Variants in UTRN observed in about 807,000 individuals in gnomAD.
The protein encoded by UTRN is dystrophin-related protein 1.
A neutral mutation model predicts 463.9 loss-of-function variants in UTRN; 283 were observed. That is an observed-to-expected ratio of 0.61 (90% confidence interval 0.55 to 0.67). The LOEUF (loss-of-function observed/expected upper bound fraction) is 0.67. UTRN is among the 30% of genes least tolerant of loss of function. UTRN has a pLI of 0.00. For synonymous variants in UTRN, 1,442 were observed against 1,431.5 expected (o/e 1.01, Z -0.17); for missense variants, 3,922 against 4,084.3 (o/e 0.96, Z 1.08).
At chr6:144,429,792 C>T in intron 9 of UTRN, 51 bp downstream of exon 9, 1 of 1,577,098 alleles carries the variant, frequency 6.3e-7, no homozygotes, top group Middle Eastern at 1.7e-4. Context: ...TTGTTTTCTC[C>T]TAGGTACTAG....
At chr6:144,440,597 T>C in intron 13 of UTRN, 126 bp downstream of exon 13, 3 of 1,279,676 alleles carry the variant, frequency 2.3e-6, no homozygotes, top group Non-Finnish European at 3.3e-6. Context: ...CTACCTTTGA[T>C]TGTACTTCTC....
chr6:144,541,502 A>G (rs1253175386), intron 45 of UTRN, among the ~76,000 whole-genome samples: 1 of 152,242 alleles, frequency 6.6e-6, no homozygotes, highest in African/African-American at 2.4e-5. Flanking sequence ...TGAATTATGA[A>G]TGTCTAAGAC....
chr6:144,733,525 A>C (rs1335927369), intron 54 of UTRN, among the ~76,000 whole-genome samples: 2 of 151,088 alleles, frequency 1.3e-5, no homozygotes, highest in Non-Finnish European at 2.9e-5. Context: ...AAAAAAAAAA[A>C]AACTTTGTAA....
chr6:144,835,654 A>G, intron 69 of UTRN, 126 bp from the exon 70 acceptor site: 2 of 1,221,010 alleles, frequency 1.6e-6, no homozygotes, highest in South Asian at 2.9e-5. Flanking sequence ...GGTCATGGAG[A>G]CACTGAGCTC....
intron 53 of UTRN, 105 bp downstream of exon 53, chr6:144,700,348 A>AT (rs200508051): frequency 0.012 from 15,079 of 1,261,602 alleles, 369 homozygotes; most frequent in African/African-American, 0.12. Context: ...TTATCACAGG[A>AT]TTCCCCCCCC....
intron 34 of UTRN, among the ~76,000 whole-genome samples, chr6:144,502,216 A>G (rs1210757151): frequency 2.6e-5 from 4 of 151,640 alleles, no homozygotes; most frequent in Non-Finnish European, 5.9e-5. Context: ...CCTCAACTCC[A>G]GGTTCATTTA....
intron 51 of UTRN, among the ~76,000 whole-genome samples, chr6:144,676,026 A>G (rs73778380): frequency 0.039 from 5,860 of 152,112 alleles, 386 homozygotes; most frequent in African/African-American, 0.13. Context: ...CTGCCCCCAA[A>G]TGTATTTTAT....
In UTRN at chr6:144,286,487, G is replaced by A. The variant is rs969066708; in HGVS notation, c.-93+666G>A. Among the ~76,000 whole-genome samples, 1 of 152,180 alleles carries A rather than the reference G, an allele frequency of 6.6e-6. No individual in the cohort carries two copies. Among genetic ancestry groups the A allele is most frequent in the African/African-American group, 2.4e-5 (1 of 41,432 alleles). On this transcript the variant is annotated intron_variant, in intron 1 of 74. Coordinates refer to ENST00000367545, the MANE Select transcript of UTRN (RefSeq NM_007124.3). The surrounding 1 kb of genome is among the most constrained non-coding windows in gnomAD (Gnocchi z 4.4). The stretch of plus-strand genomic sequence containing the variant: ...GGAGAGACTGAGGGGACAGGAGGAG[G>A]GGGGCGCCCCATTGGTGTGTAGTCC...
intron 2 of UTRN, among the ~76,000 whole-genome samples, chr6:144,361,775 T>TTC (rs1779101967): frequency 6.8e-6 from 1 of 147,474 alleles, no homozygotes; most frequent in African/African-American, 2.5e-5. Flanking sequence ...TTTCTTTCTT[T>TTC]TTTTTTTTTT....
intron 63 of UTRN, among the ~76,000 whole-genome samples, chr6:144,797,258 G>A (rs146245573): frequency 0.12 from 17,434 of 150,604 alleles, 2,964 homozygotes; most frequent in African/African-American, 0.38. Context: ...GCGTGATCTC[G>A]GCTCACTGCA....
intron 50 of UTRN, among the ~76,000 whole-genome samples, chr6:144,569,646 T>A (rs1279645816): frequency 6.6e-6 from 1 of 152,186 alleles, no homozygotes; most frequent in African/African-American, 2.4e-5. Flanking sequence ...GTCCTGGTCC[T>A]ATTGGGTGCA....
intron 50 of UTRN, among the ~76,000 whole-genome samples, chr6:144,575,219 T>A (rs930449351): frequency 2.6e-5 from 4 of 152,286 alleles, no homozygotes; most frequent in African/African-American, 9.6e-5. Flanking sequence ...GCCCATTTTT[T>A]AAAATGATAT....
At position 144,665,774 on chromosome 6, in the gene UTRN, G is replaced by C. The variant is rs186187451; in HGVS notation, c.7480-12632G>C. Among the ~76,000 whole-genome samples the C allele has an allele frequency of 5.1e-4, 77 of 152,256 alleles. 1 individual carries two copies. In the East Asian group the frequency reaches 0.014, roughly 28 times the overall value. On this transcript the variant is annotated intron_variant, in intron 51 of 74. Transcript: ENST00000367545. ...TATGCTTTTGATGGTGTTTTATTTAGAGAAAAGTGTGTAGTCCTATTTTTC... is the reference window on the plus strand; with the variant it reads ...TATGCTTTTGATGGTGTTTTATTTACAGAAAAGTGTGTAGTCCTATTTTTC...
chr6:144,446,044 T>C (rs1787663638), intron 14 of UTRN, among the ~76,000 whole-genome samples: 2 of 151,962 alleles, frequency 1.3e-5, no homozygotes, highest in East Asian at 1.9e-4. Flanking sequence ...ATAAAAATAA[T>C]AGTAATAGTA....
chr6:144,521,884 C>T (rs1390147023), intron 39 of UTRN, 96 bp from the exon 40 acceptor site: 3 of 807,578 alleles, frequency 3.7e-6, no homozygotes, highest in East Asian at 8.5e-5. Context: ...CATGATATTG[C>T]ATTCCTTCAC....
chr6:144,360,406 C>A (rs1214017587), intron 2 of UTRN, among the ~76,000 whole-genome samples: 1 of 152,140 alleles, frequency 6.6e-6, no homozygotes, highest in African/African-American at 2.4e-5. Flanking sequence ...CTCCTGACCT[C>A]AAGTGATCCA....
Position 144,557,312 on chromosome 6 carries a change from G to T in UTRN, c.7289+1G>T, listed in dbSNP as rs759666694. The T allele has an allele frequency of 6.2e-7, 1 of 1,612,566 alleles. No homozygotes were observed. ...CATCATGGATCAATCTCAAACAAAG[G>T]TAAGTCTAAGGCCCTGGCAGGTAAA... On this transcript the variant is annotated splice_donor_variant, in intron 50 of 74. Transcript: ENST00000367545. LOFTEE classifies it high-confidence loss of function.
intron 2 of UTRN, among the ~76,000 whole-genome samples, chr6:144,362,547 G>C (rs1384458060): frequency 6.6e-6 from 1 of 152,190 alleles, no homozygotes; most frequent in African/African-American, 2.4e-5. Flanking sequence ...CATTTTCTGT[G>C]TGAAAGTTCT....
Position 144,440,549 on chromosome 6 carries a change from T to A in UTRN, c.1512+78T>A. The A allele has an allele frequency of 1.9e-6, 3 of 1,579,536 alleles. No individual in the cohort carries two copies. In the South Asian group the frequency reaches 3.4e-5, roughly 18 times the overall value. On this transcript the variant is annotated intron_variant, in intron 13 of 74. Transcript: ENST00000367545. ...AATTACATATTGCCCTTGTTCTTCA[T>A]GTCCTTTCTCATTCTTTATCCAGAA...
Sources: gnomAD v4.1 joint callset for allele counts (sites outside exome capture counted in the v4.1 genomes callset) on GRCh38, gnomAD v4.1.1 for gene constraint, Gnocchi (gnomAD v3.1) non-coding constraint, MANE v1.5 for transcripts, NCBI Gene and HGNC (gene_info 2026-07-23, HGNC 2026-07-21) for gene names.